The following DGKD variants were observed in gnomAD, a reference collection of about 807,000 sequenced individuals.
The protein encoded by DGKD is DAG kinase delta.
In DGKD, 68 loss-of-function variants were observed where a neutral mutation model predicts 154.4. That is an observed-to-expected ratio of 0.44 (90% CI 0.36 to 0.54). DGKD has a LOEUF of 0.54. Ranked by LOEUF, DGKD falls within the 20% of genes least tolerant of loss-of-function variation. The pLI is 0.00. For synonymous variants in DGKD, 693 were observed against 638.0 expected (o/e 1.09, Z -1.30); for missense variants, 1,343 against 1,593.6 (o/e 0.84, Z 2.68).
chr2:233,430,860 G>T (rs1043645079), intron 3 of DGKD, among the ~76,000 whole-genome samples: 2 of 151,896 alleles, frequency 1.3e-5, no homozygotes, highest in Non-Finnish European at 2.9e-5. Context: ...CAATCCCATG[G>T]GCAAAAAATA....
intron 24 of DGKD, among the ~76,000 whole-genome samples, chr2:233,461,544 C>CCCCCA (rs1398583562): frequency 6.6e-6 from 1 of 152,238 alleles, no homozygotes; most frequent in Non-Finnish European, 1.5e-5. Context: ...CCTCGTCTCT[C>CCCCCA]CCCCACCCCA....
chr2:233,369,128 C>A (rs1443715180), intron 1 of DGKD, among the ~76,000 whole-genome samples: 2 of 152,162 alleles, frequency 1.3e-5, no homozygotes, highest in Admixed American at 1.3e-4. Context: ...TCTCATATTG[C>A]ATCTCCATTT....
Position 233,460,170 on chromosome 2 carries a change from G to A in DGKD, c.2830-24G>A, listed in dbSNP as rs759931861. On this transcript the variant is annotated intron_variant, in intron 23 of 29. Coordinates refer to ENST00000264057, the MANE Select transcript of DGKD (RefSeq NM_152879.3). ...AGATGCATGCTTCAGAGCAGCAGGT[G>A]TAATTGGGCTTTCGGGTCCATAGGC... 2.2e-5 allele frequency: 35 copies of A among 1,612,752 alleles called. No homozygotes were observed. In the East Asian group the frequency reaches 3.8e-4, roughly 17 times the overall value.
chr2:233,375,874 C>A (rs13415978), intron 1 of DGKD, among the ~76,000 whole-genome samples: 2,256 of 152,294 alleles, frequency 0.015, 54 homozygotes, highest in African/African-American at 0.051. Context: ...GCAAATACTT[C>A]TGGTTCTTCC....
intron 1 of DGKD, among the ~76,000 whole-genome samples, chr2:233,381,849 C>G (rs1349721076): frequency 6.6e-6 from 1 of 152,174 alleles, no homozygotes; most frequent in Non-Finnish European, 1.5e-5. Flanking sequence ...TATTTGTTAA[C>G]TGGAATACTA....
chr2:233,434,884 A>T lies in DGKD; in HGVS notation c.569A>T (p.His190Leu). ...GAGGCTCTGTCTGGGGTCACGTCGCACGGGCTGTCCTGCGAGGGTACGGAT... is the reference window on the plus strand; with the variant it reads ...GAGGCTCTGTCTGGGGTCACGTCGCTCGGGCTGTCCTGCGAGGGTACGGAT... ...CREALSGVTS[H>L]GLSCEVCKFK... The change falls in exon 5 of 30, where the codon CAC (histidine) becomes CTC (leucine). Residue 190 changes from histidine to leucine, a missense_variant. His to Leu is a moderately conservative substitution (Grantham distance 99, BLOSUM62 -3). Transcript: ENST00000264057. The T allele has an allele frequency of 1.2e-6, 2 of 1,613,864 alleles. No homozygotes were observed. Among genetic ancestry groups the T allele is most frequent in the Non-Finnish European group, 1.7e-6 (2 of 1,179,986 alleles).
In DGKD at chr2:233,441,281, G is replaced by A. The variant is rs1050960653; in HGVS notation, c.1086-606G>A. Among the ~76,000 whole-genome samples the A allele has an allele frequency of 6.6e-6, 1 of 152,126 alleles. No individual in the cohort carries two copies. The highest frequency in any genetic ancestry group is 6.5e-5 in the Admixed American group (1 of 15,280). On this transcript the variant is annotated intron_variant, in intron 9 of 29. Transcript: ENST00000264057. This position sits in a 1 kb window ranked among gnomAD's most constrained non-coding sequence, Gnocchi z 5.6. ...GGTAGGAGGCGTGGGTCACATCACCGGAGGACTGAGTGGGCCCAGGCATAT... is the reference window on the plus strand; with the variant it reads ...GGTAGGAGGCGTGGGTCACATCACCAGAGGACTGAGTGGGCCCAGGCATAT...
chr2:233,359,875 G>A (rs1274801879), intron 1 of DGKD, among the ~76,000 whole-genome samples: 1 of 152,198 alleles, frequency 6.6e-6, no homozygotes, highest in Non-Finnish European at 1.5e-5. Context: ...GACGGGTGCT[G>A]ATGAGGAGAG....
chr2:233,409,116 C>G (rs771799767), intron 3 of DGKD: 1 of 152,188 alleles, frequency 6.6e-6, no homozygotes, highest in Admixed American at 6.5e-5. Flanking sequence ...GACGCAGTTA[C>G]TCGTCTGGGC....
intron 27 of DGKD, among the ~76,000 whole-genome samples, chr2:233,466,022 TTA>T (rs1162746352): frequency 6.6e-6 from 1 of 152,182 alleles, no homozygotes; most frequent in African/African-American, 2.4e-5. Context: ...AGTCATCAAC[TTA>T]TGACAGTTAT....
chr2:233,452,072 G>C lies in DGKD; in HGVS notation c.2264+12G>C. On this transcript the variant is annotated intron_variant, in intron 18 of 29. Coordinates refer to ENST00000264057, the MANE Select transcript of DGKD (RefSeq NM_152879.3). The surrounding 1 kb of genome is among the most constrained non-coding windows in gnomAD (Gnocchi z 4.0). ...GAACCAGAAACCCTGTGAGTATGAGGGATAAACCGAGTGGGCATATTGTTA... is the reference window on the plus strand; with the variant it reads ...GAACCAGAAACCCTGTGAGTATGAGCGATAAACCGAGTGGGCATATTGTTA... 1 of 1,609,276 alleles carries C rather than the reference G, an allele frequency of 6.2e-7. No individual in the cohort carries two copies. Among genetic ancestry groups the C allele is most frequent in the South Asian group, 1.1e-5 (1 of 90,960 alleles).
intron 3 of DGKD, among the ~76,000 whole-genome samples, chr2:233,395,124 C>T (rs1703922169): frequency 6.6e-6 from 1 of 151,974 alleles, no homozygotes; most frequent in Non-Finnish European, 1.5e-5. Flanking sequence ...ATATCTGATG[C>T]CTGTGTTTTG....
chr2:233,427,314 G>C (rs1002623116), intron 3 of DGKD, among the ~76,000 whole-genome samples: 1 of 142,050 alleles, frequency 7.0e-6, no homozygotes, highest in African/African-American at 2.6e-5. Context: ...CATTTGTCCT[G>C]TTGAGTTCAG....
In DGKD at chr2:233,388,303, A is replaced by G. The variant is rs1350022897; in HGVS notation, c.203A>G (p.Gln68Arg). 1.2e-6 allele frequency: 2 copies of G among 1,614,220 alleles called. No individual in the cohort carries two copies. Among genetic ancestry groups the G allele is most frequent in the Non-Finnish European group, 1.7e-6 (2 of 1,180,034 alleles). Residue 68 changes from glutamine to arginine, a missense_variant, in exon 2 of 30, where the codon CAG becomes CGG. Gln to Arg is a conservative substitution (Grantham distance 43). Coordinates refer to ENST00000264057, the MANE Select transcript of DGKD (RefSeq NM_152879.3). ...GMLTKQNNSF[Q>R]RSKRRYFKLR... ...CTGACCAAACAGAACAATTCATTCC[A>G]GCGATCAAAAAGGAGATACTTTAAG...
At chr2:233,377,745 C>T (rs1702656423) in intron 1 of DGKD, among the ~76,000 whole-genome samples, 1 of 152,096 alleles carries the variant, frequency 6.6e-6, no homozygotes, top group Non-Finnish European at 1.5e-5. Flanking sequence ...TCCCGTTTTG[C>T]AGTCGTGTTG....
rs941172102 is a variant in DGKD, at chr2:233,470,463, C to T, written c.*1003C>T. 1 of 152,800 alleles carries T rather than the reference C, an allele frequency of 6.5e-6. No homozygotes were observed. Among genetic ancestry groups the T allele is most frequent in the Admixed American group, 6.5e-5 (1 of 15,304 alleles). 9.5% of individuals were successfully genotyped at this position (152,800 alleles called of 1,614,324 possible). ...TCCTGAGTGTCTGCCCCTGCAGTGG[C>T]TTCTTGTCGCCTGCTGCTGGGCGTG... On this transcript the variant is annotated 3_prime_UTR_variant, in exon 30 of 30. Coordinates refer to ENST00000264057, the MANE Select transcript of DGKD (RefSeq NM_152879.3).
Position 233,458,226 on chromosome 2 carries a change from G to A in DGKD, c.2581-58G>A. The A allele has an allele frequency of 8.4e-7, 1 of 1,183,720 alleles. No homozygotes were observed. Among genetic ancestry groups the A allele is most frequent in the Non-Finnish European group, 1.2e-6 (1 of 804,486 alleles). 73.3% of individuals were successfully genotyped at this position (1,183,720 alleles called of 1,614,324 possible). On this transcript the variant is annotated intron_variant, in intron 21 of 29. Coordinates refer to ENST00000264057, the MANE Select transcript of DGKD (RefSeq NM_152879.3). This position sits in a 1 kb window ranked among gnomAD's most constrained non-coding sequence, Gnocchi z 6.6. The stretch of plus-strand genomic sequence containing the variant: ...CCCAGAGGGAGGGAGTGAGGGTAGG[G>A]GCGGCCTGTGCTCGGGGATGTGTGG...
rs181420753 is a variant in DGKD at position 233,375,164 on chromosome 2, G to A, written c.157-13093G>A. Among the ~76,000 whole-genome samples, 59 of 152,252 alleles carry A rather than the reference G, an allele frequency of 3.9e-4. No individual in the cohort carries two copies. In the East Asian group the frequency reaches 0.011, roughly 27 times the overall value. ...AAATTGGCCAGGCGTGATGGCACAC[G>A]CCCGTAGTCCCAGCCACTTGGGAGG... On this transcript the variant is annotated intron_variant, in intron 1 of 29. Coordinates refer to ENST00000264057, the MANE Select transcript of DGKD (RefSeq NM_152879.3).
chr2:233,398,235 C>T (rs573094324), intron 3 of DGKD, among the ~76,000 whole-genome samples: 4 of 151,226 alleles, frequency 2.6e-5, no homozygotes, highest in South Asian at 4.2e-4. Flanking sequence ...CTCCGCCTCC[C>T]GGGTTCACGC....
Sources: gnomAD v4.1 joint callset for allele counts (sites outside exome capture counted in the v4.1 genomes callset) on GRCh38, gnomAD v4.1.1 for gene constraint, Gnocchi (gnomAD v3.1) non-coding constraint, MANE v1.5 for transcripts, NCBI Gene and HGNC (gene_info 2026-07-23, HGNC 2026-07-21) for gene names.